The following TENM2 variants were observed in gnomAD, a reference collection of about 807,000 sequenced individuals.
TENM2 encodes the protein teneurin transmembrane protein 2, also known as teneurin-2.
In TENM2, 52 loss-of-function variants were observed where a neutral mutation model predicts 245.2. That is an observed-to-expected ratio of 0.21 (90% CI 0.17 to 0.27). The LOEUF (loss-of-function observed/expected upper bound fraction) is 0.27. Among genes scored for constraint, TENM2 ranks in the 10% least tolerant of loss-of-function variants. The pLI, the probability that TENM2 is intolerant of heterozygous loss-of-function variation, is 1.00. For missense variants in TENM2, 3,046 were observed against 3,666.8 expected (o/e 0.83, Z 4.37); for synonymous variants, 1,363 against 1,438.9 (o/e 0.95, Z 1.19).
chr5:167,463,623 C>T (rs543856486), intron 2 of TENM2, among the ~76,000 whole-genome samples: 43 of 152,052 alleles, frequency 2.8e-4, no homozygotes, highest in Admixed American at 1.2e-3. Flanking sequence ...CTCAGCCTCC[C>T]GAGTAGCTGG....
intron 3 of TENM2, among the ~76,000 whole-genome samples, chr5:167,907,797 G>T (rs554694305): frequency 2.6e-5 from 4 of 151,502 alleles, no homozygotes; most frequent in African/African-American, 9.7e-5. Flanking sequence ...ATTCCATCTT[G>T]TCTCTGGCAG....
the TENM2 span, among the ~76,000 whole-genome samples, chr5:167,072,638 G>A: frequency 6.6e-6 from 1 of 152,158 alleles, no homozygotes; most frequent in African/African-American, 2.4e-5. Flanking sequence ...TGAAATAGGG[G>A]CTATGATATT....
chr5:168,003,648 C>T (rs989504088), intron 5 of TENM2, among the ~76,000 whole-genome samples: 2 of 152,124 alleles, frequency 1.3e-5, no homozygotes, highest in African/African-American at 2.4e-5. Context: ...AGATGAAAAG[C>T]AATCGTTGTG....
chr5:168,181,629 C>G (rs977914658), intron 13 of TENM2, among the ~76,000 whole-genome samples: 6 of 149,260 alleles, frequency 4.0e-5, no homozygotes, highest in Non-Finnish European at 5.9e-5. Flanking sequence ...AAACTTCCAA[C>G]AGGTCTTCTT....
the TENM2 span, among the ~76,000 whole-genome samples, chr5:167,254,097 A>T: frequency 6.6e-6 from 1 of 152,042 alleles, no homozygotes; most frequent in Non-Finnish European, 1.5e-5. Context: ...CATTTTCTAC[A>T]CTTCAGTAAG....
chr5:167,427,826 G>GGAA (rs1316667029), intron 2 of TENM2, among the ~76,000 whole-genome samples: 17 of 135,334 alleles, frequency 1.3e-4, no homozygotes, highest in African/African-American at 5.0e-4. Flanking sequence ...AGGGAAGGAA[G>GGAA]GGACGGGAGG....
At chr5:167,186,658 G>A in the TENM2 span, among the ~76,000 whole-genome samples, 1 of 152,184 alleles carries the variant, frequency 6.6e-6, no homozygotes, top group Non-Finnish European at 1.5e-5. Flanking sequence ...GGACTGATGA[G>A]CTGAATGTGG....
intron 2 of TENM2, among the ~76,000 whole-genome samples, chr5:167,479,470 A>T (rs1175506351): frequency 6.6e-6 from 1 of 152,188 alleles, no homozygotes; most frequent in Non-Finnish European, 1.5e-5. Flanking sequence ...TTTAATATAC[A>T]TTGTTCATAG....
At chr5:167,770,632 G>A (rs1763342382) in intron 2 of TENM2, among the ~76,000 whole-genome samples, 1 of 152,172 alleles carries the variant, frequency 6.6e-6, no homozygotes, top group Non-Finnish European at 1.5e-5. Flanking sequence ...TAAGATGCAT[G>A]CCTAAAATTT....
chr5:167,394,630 G>A (rs1334944227), intron 2 of TENM2, among the ~76,000 whole-genome samples: 2 of 152,070 alleles, frequency 1.3e-5, no homozygotes, highest in African/African-American at 4.8e-5. Flanking sequence ...GTCTCACTCT[G>A]TCACCCAGGC....
chr5:168,026,114 G>A (rs1158328227), intron 5 of TENM2, among the ~76,000 whole-genome samples: 2 of 152,244 alleles, frequency 1.3e-5, no homozygotes, highest in African/African-American at 4.8e-5. Context: ...CTCTTCTCAA[G>A]GTATGATGTC....
At chr5:167,152,004 T>G in the TENM2 span, among the ~76,000 whole-genome samples, 1 of 152,238 alleles carries the variant, frequency 6.6e-6, no homozygotes, top group East Asian at 1.9e-4. Flanking sequence ...AGATGCCTAG[T>G]AGTTAAGCCA....
At chr5:167,307,190 T>C (rs1469960979) in intron 1 of TENM2, among the ~76,000 whole-genome samples, 1 of 152,172 alleles carries the variant, frequency 6.6e-6, no homozygotes, top group African/African-American at 2.4e-5. Flanking sequence ...GCTATTTTGG[T>C]GCTCAGATCT....
chr5:167,678,569 C>T (rs552217604), intron 2 of TENM2, among the ~76,000 whole-genome samples: 1 of 152,098 alleles, frequency 6.6e-6, no homozygotes, highest in African/African-American at 2.4e-5. Flanking sequence ...TCCTTTGATT[C>T]CAGCCCCAGC....
At chr5:168,116,883 C>T (rs777887707) in intron 9 of TENM2, among the ~76,000 whole-genome samples, 8 of 152,114 alleles carry the variant, frequency 5.3e-5, no homozygotes, top group African/African-American at 1.2e-4. Flanking sequence ...GCAGAATTCT[C>T]GGAACCTGTG....
At chr5:167,084,327 TTATATATATATATATATATA>T in the TENM2 span, among the ~76,000 whole-genome samples, 126 of 23,182 alleles carry the variant, frequency 5.4e-3, 6 homozygotes, top group East Asian at 0.052. Context: ...GCCATTTTAG[TTATATATATATATATATATA>T]TATATATATA....
intron 2 of TENM2, among the ~76,000 whole-genome samples, chr5:167,753,442 A>G (rs933489453): frequency 1.1e-4 from 17 of 152,210 alleles, no homozygotes; most frequent in African/African-American, 3.6e-4. Flanking sequence ...ATATGTAGCC[A>G]AGAATAGGAT....
intron 2 of TENM2, among the ~76,000 whole-genome samples, chr5:167,871,455 G>T (rs530164522): frequency 6.6e-6 from 1 of 152,170 alleles, no homozygotes; most frequent in Admixed American, 6.5e-5. Flanking sequence ...TCACTAAATT[G>T]TATTCATTAG....
chr5:167,534,911 T>G (rs1358843231), intron 2 of TENM2, among the ~76,000 whole-genome samples: 3 of 152,204 alleles, frequency 2.0e-5, no homozygotes, highest in Admixed American at 2.0e-4. Context: ...TTAAAATTTC[T>G]CCTTAACATG....
Sources: allele counts gnomAD v4.1 joint callset (sites outside exome capture counted in the v4.1 genomes callset), GRCh38; gene constraint gnomAD v4.1.1; transcripts MANE v1.5; gene names NCBI Gene and HGNC (gene_info 2026-07-23, HGNC 2026-07-21).